DIS3L2: variants seen among roughly 807,000 people sequenced by gnomAD.
The protein encoded by DIS3L2 is DIS3-like exonuclease 2.
A neutral mutation model predicts 97.5 loss-of-function variants in DIS3L2; 34 were observed. The ratio of observed to expected loss-of-function variants is 0.35; its 90% CI spans 0.27 to 0.46. DIS3L2 has a LOEUF of 0.46. Among genes scored for constraint, DIS3L2 ranks in the 20% least tolerant of loss-of-function variants. The pLI, the probability that DIS3L2 is intolerant of heterozygous loss-of-function variation, is 1.00. For missense variants in DIS3L2, 1,038 were observed against 1,146.0 expected, an observed-to-expected ratio of 0.91 and a Z score of 1.36; for synonymous variants, 435 against 445.2, an observed-to-expected ratio of 0.98 and a Z score of 0.29.
chr2:231,982,294 C>T (rs1346136927), intron 1 of DIS3L2, among the ~76,000 whole-genome samples: 1 of 152,154 alleles, frequency 6.6e-6, no homozygotes, highest in African/African-American at 2.4e-5. Flanking sequence ...CTTGGCTTTG[C>T]AATCTAGAAT....
At chr2:232,277,075 A>G (rs762027233) in intron 13 of DIS3L2, among the ~76,000 whole-genome samples, 44 of 152,038 alleles carry the variant, frequency 2.9e-4, no homozygotes, top group Non-Finnish European at 5.9e-4. Context: ...GTGGGGGAGG[A>G]TTTGAAATGT....
chr2:231,986,069 CTG>C (rs1170373070), intron 1 of DIS3L2, among the ~76,000 whole-genome samples: 1 of 152,240 alleles, frequency 6.6e-6, no homozygotes, highest in African/African-American at 2.4e-5. Flanking sequence ...ACATCAGACT[CTG>C]GGTTCTTCCG....
intron 9 of DIS3L2, among the ~76,000 whole-genome samples, chr2:232,175,099 G>A (rs995470057): frequency 7.2e-5 from 11 of 152,094 alleles, no homozygotes; most frequent in Non-Finnish European, 1.5e-4. Context: ...AAAGTGCTGG[G>A]ATTACAGATA....
chr2:232,190,467 A>G (rs1691582978), intron 9 of DIS3L2, among the ~76,000 whole-genome samples: 1 of 152,158 alleles, frequency 6.6e-6, no homozygotes, highest in Non-Finnish European at 1.5e-5. Flanking sequence ...GAAGACTGAG[A>G]TTTTGCTTTA....
chr2:232,212,775 G>C (rs1692225825), intron 10 of DIS3L2, among the ~76,000 whole-genome samples: 1 of 152,184 alleles, frequency 6.6e-6, no homozygotes, highest in Non-Finnish European at 1.5e-5. Context: ...ACCTGGACTA[G>C]ATGGTAGCAA....
At chr2:232,247,618 GGGGGGGGGGGGGGGGGGC>G (rs1693291242) in intron 11 of DIS3L2, among the ~76,000 whole-genome samples, 11 of 31,752 alleles carry the variant, frequency 3.5e-4, no homozygotes, top group East Asian at 1.5e-3. Flanking sequence ...AACTGCCGCG[GGGGGGGGGGGGGGGGGGC>G]GGGGGGGAGG....
chr2:232,231,681 G>A (rs1051160631), intron 10 of DIS3L2, among the ~76,000 whole-genome samples: 4 of 152,258 alleles, frequency 2.6e-5, no homozygotes, highest in African/African-American at 9.6e-5. Flanking sequence ...TATGGAGAGG[G>A]CTCAGCACCT....
chr2:232,101,220 GAAA>G (rs71910297), intron 6 of DIS3L2, among the ~76,000 whole-genome samples: 1 of 134,784 alleles, frequency 7.4e-6, no homozygotes. Flanking sequence ...GTGATAGAGT[GAAA>G]AAAAAAAAAA....
At chr2:232,183,795 T>A (rs1691358277) in intron 9 of DIS3L2, among the ~76,000 whole-genome samples, 2 of 152,160 alleles carry the variant, frequency 1.3e-5, no homozygotes, top group Non-Finnish European at 2.9e-5. Context: ...GAACAAGGTT[T>A]GATGAAGGTC....
chr2:232,022,706 A>G (rs529970422), intron 3 of DIS3L2, among the ~76,000 whole-genome samples: 133 of 152,322 alleles, frequency 8.7e-4, no homozygotes, highest in African/African-American at 3.0e-3. Flanking sequence ...AAGCTCTGTG[A>G]TGGTAGAGAC....
At chr2:232,202,446 A>C (rs1691919849) in intron 9 of DIS3L2, among the ~76,000 whole-genome samples, 1 of 152,216 alleles carries the variant, frequency 6.6e-6, no homozygotes, top group African/African-American at 2.4e-5. Context: ...GGTTCATTGA[A>C]CCGGTGAGTA....
intron 5 of DIS3L2, among the ~76,000 whole-genome samples, chr2:232,071,286 C>T (rs1463722457): frequency 6.6e-6 from 1 of 152,088 alleles, no homozygotes; most frequent in Non-Finnish European, 1.5e-5. Context: ...CTTTGGGAGG[C>T]TGAGGCAGGA....
At chr2:232,224,303 G>A (rs532429147) in intron 10 of DIS3L2, among the ~76,000 whole-genome samples, 30 of 152,210 alleles carry the variant, frequency 2.0e-4, no homozygotes, top group Admixed American at 1.8e-3. Flanking sequence ...CCATATGGGG[G>A]AAAAATTGGT....
At chr2:232,244,382 T>A (rs1429592561) in intron 11 of DIS3L2, among the ~76,000 whole-genome samples, 1 of 152,144 alleles carries the variant, frequency 6.6e-6, no homozygotes, top group Non-Finnish European at 1.5e-5. Context: ...TCCTTGCTTA[T>A]TTAACTTGGG....
At chr2:232,322,835 G>A (rs1695474211) in intron 14 of DIS3L2, among the ~76,000 whole-genome samples, 1 of 152,220 alleles carries the variant, frequency 6.6e-6, no homozygotes, top group Non-Finnish European at 1.5e-5. Context: ...ATTACCCAGA[G>A]CCTAATTTTA....
chr2:232,270,827 AGCTCTGGC>A (rs1334075434), intron 13 of DIS3L2, among the ~76,000 whole-genome samples: 9 of 149,396 alleles, frequency 6.0e-5, no homozygotes, highest in African/African-American at 2.2e-4. Context: ...GCCTACACGG[AGCTCTGGC>A]GCACTCGCGC....
chr2:232,108,147 A>G (rs996985860), intron 6 of DIS3L2, among the ~76,000 whole-genome samples: 1 of 152,202 alleles, frequency 6.6e-6, no homozygotes, highest in African/African-American at 2.4e-5. Context: ...AAATATTGGC[A>G]AACCGAGTTC....
chr2:232,089,585 A>T (rs1373050924), intron 6 of DIS3L2, among the ~76,000 whole-genome samples: 1 of 152,246 alleles, frequency 6.6e-6, no homozygotes, highest in Non-Finnish European at 1.5e-5. Flanking sequence ...TAACAAGATC[A>T]GCAAGGAAGA....
At chr2:232,138,095 A>C (rs775166430) in intron 8 of DIS3L2, among the ~76,000 whole-genome samples, 4 of 152,274 alleles carry the variant, frequency 2.6e-5, no homozygotes, top group African/African-American at 9.6e-5. Flanking sequence ...TGATTGGACT[A>C]CTTCCTTAGT....
Sources: allele counts gnomAD v4.1 joint callset (sites outside exome capture counted in the v4.1 genomes callset), GRCh38; gene constraint gnomAD v4.1.1; transcripts MANE v1.5; gene names NCBI Gene and HGNC (gene_info 2026-07-23, HGNC 2026-07-21).